The following CPXM2 variants were observed in gnomAD, a reference collection of about 807,000 sequenced individuals.
CPXM2 encodes carboxypeptidase X, M14 family member 2.
In CPXM2, 66 loss-of-function variants were observed where a neutral mutation model predicts 86.1. The ratio of observed to expected loss-of-function variants is 0.77; its 90% CI spans 0.63 to 0.94. The LOEUF is 0.94. Ranked by LOEUF, CPXM2 falls within the 40% of genes least tolerant of loss-of-function variation. The probability of loss-of-function intolerance (pLI) is 0.00; values close to 1 mark genes in which losing one functional copy is unlikely to be tolerated. For synonymous variants in CPXM2, 388 were observed against 400.2 expected (o/e 0.97, Z 0.36); for missense variants, 948 against 1,026.3 (o/e 0.92, Z 1.04).
intron 2 of CPXM2, among the ~76,000 whole-genome samples, chr10:123,918,262 A>G (rs1955339): frequency 0.36 from 55,171 of 151,932 alleles, 10,254 homozygotes; most frequent in Middle Eastern, 0.56. Flanking sequence ...AAATTTCAAG[A>G]AATTATGACC....
chr10:123,755,611 A>G (rs1846187000), intron 12 of CPXM2, among the ~76,000 whole-genome samples: 1 of 152,238 alleles, frequency 6.6e-6, no homozygotes, highest in Non-Finnish European at 1.5e-5. Flanking sequence ...TTGCTGACTT[A>G]AAAGTCAGAG....
chr10:123,822,322 A>T (rs1219201000), intron 4 of CPXM2, among the ~76,000 whole-genome samples: 1 of 152,112 alleles, frequency 6.6e-6, no homozygotes, highest in Non-Finnish European at 1.5e-5. Context: ...CTTTCTCTTC[A>T]CCCTTGCACC....
At chr10:123,853,755 A>G (rs1211932702) in intron 3 of CPXM2, among the ~76,000 whole-genome samples, 1 of 152,126 alleles carries the variant, frequency 6.6e-6, no homozygotes, top group African/African-American at 2.4e-5. Flanking sequence ...ACATACAAAA[A>G]TTAGCTGGGC....
At chr10:123,940,369 G>A (rs1209948074), upstream of CPXM2, 1 of 152,266 alleles carries the variant, frequency 6.6e-6, no homozygotes, top group Non-Finnish European at 1.5e-5. Context: ...GGACATCTCT[G>A]TCATTGTGAT....
chr10:123,766,865 GAAA>G, intron 10 of CPXM2, 105 bp downstream of exon 10: 1 of 901,780 alleles, frequency 1.1e-6, no homozygotes, highest in South Asian at 1.6e-5. Context: ...AAACATGAAA[GAAA>G]AAAACAGTTT....
chr10:123,778,896 A>T (rs183769948), intron 7 of CPXM2, among the ~76,000 whole-genome samples: 14 of 152,340 alleles, frequency 9.2e-5, no homozygotes, highest in African/African-American at 3.1e-4. Flanking sequence ...GCAAGACAGC[A>T]AGAAGATTTC....
intron 4 of CPXM2, among the ~76,000 whole-genome samples, chr10:123,836,010 T>G (rs1444869322): frequency 6.6e-6 from 1 of 152,194 alleles, no homozygotes; most frequent in Non-Finnish European, 1.5e-5. Flanking sequence ...CAGCTGCTTC[T>G]GTATTTGCCT....
intron 2 of CPXM2, among the ~76,000 whole-genome samples, chr10:123,932,452 C>G (rs1945674044): frequency 6.6e-6 from 1 of 152,206 alleles, no homozygotes; most frequent in Non-Finnish European, 1.5e-5. Context: ...CTTGGGTGGA[C>G]AGTTCTAAGA....
At chr10:123,755,864 T>C (rs1222202823) in intron 12 of CPXM2, among the ~76,000 whole-genome samples, 2 of 152,156 alleles carry the variant, frequency 1.3e-5, no homozygotes, top group South Asian at 2.1e-4. Context: ...ACTGATCAGG[T>C]TGTTACAGTC....
At chr10:123,747,557 G>C (rs1845994020) in intron 13 of CPXM2, among the ~76,000 whole-genome samples, 1 of 152,186 alleles carries the variant, frequency 6.6e-6, no homozygotes, top group African/African-American at 2.4e-5. Context: ...GAGAGACTTG[G>C]GAGTTGCAGG....
At chr10:123,931,122 T>C (rs985893850) in intron 2 of CPXM2, among the ~76,000 whole-genome samples, 9 of 152,156 alleles carry the variant, frequency 5.9e-5, no homozygotes, top group African/African-American at 2.2e-4. Context: ...GACTGACCAC[T>C]ACCATCATCT....
At chr10:123,794,526 C>T (rs891336567) in intron 6 of CPXM2, among the ~76,000 whole-genome samples, 1 of 152,132 alleles carries the variant, frequency 6.6e-6, no homozygotes, top group Non-Finnish European at 1.5e-5. Flanking sequence ...ACCACCAAGG[C>T]CATGACCATC....
intron 6 of CPXM2, among the ~76,000 whole-genome samples, chr10:123,788,663 T>C (rs1475789699): frequency 6.6e-6 from 1 of 152,180 alleles, no homozygotes; most frequent in Non-Finnish European, 1.5e-5. Flanking sequence ...ACCACTTTCT[T>C]TATACCAGAC....
intron 3 of CPXM2, among the ~76,000 whole-genome samples, chr10:123,844,060 T>G (rs975933339): frequency 2.0e-5 from 3 of 152,086 alleles, no homozygotes; most frequent in Non-Finnish European, 4.4e-5. Flanking sequence ...TTCCCAAAGA[T>G]GACTCATTGG....
At chr10:123,790,751 TTA>T (rs1481454810) in intron 6 of CPXM2, among the ~76,000 whole-genome samples, 4 of 152,120 alleles carry the variant, frequency 2.6e-5, no homozygotes, top group African/African-American at 9.7e-5. Context: ...TGTGTCTATC[TTA>T]TCTCAGATTC....
intron 12 of CPXM2, among the ~76,000 whole-genome samples, chr10:123,756,631 T>C (rs755253877): frequency 5.3e-4 from 69 of 130,642 alleles, no homozygotes; most frequent in East Asian, 1.9e-3. Context: ...TATCTCAGAA[T>C]GTGACTATGT....
At chr10:123,794,849 C>G (rs868088493) in intron 6 of CPXM2, among the ~76,000 whole-genome samples, 2 of 151,634 alleles carry the variant, frequency 1.3e-5, no homozygotes, top group African/African-American at 4.8e-5. Flanking sequence ...CGGCTCACTG[C>G]GACCTCACCT....
chr10:123,834,434 C>T (rs867714627), intron 4 of CPXM2, among the ~76,000 whole-genome samples: 1 of 152,278 alleles, frequency 6.6e-6, no homozygotes. Flanking sequence ...TCAAATAAAG[C>T]CAAGAGAGGA....
At chr10:123,905,035 G>A (rs1337847449) in intron 2 of CPXM2, among the ~76,000 whole-genome samples, 1 of 137,684 alleles carries the variant, frequency 7.3e-6, no homozygotes, top group African/African-American at 2.9e-5. Flanking sequence ...GAAAATGCGT[G>A]AAGACAAGGA....
Sources: allele counts gnomAD v4.1 joint callset (sites outside exome capture counted in the v4.1 genomes callset), GRCh38; gene constraint gnomAD v4.1.1; transcripts MANE v1.5; gene names NCBI Gene and HGNC (gene_info 2026-07-23, HGNC 2026-07-21).